VOPP1: variants seen among roughly 807,000 people sequenced by gnomAD.
VOPP1 encodes VOPP1 WW domain binding protein, also known as WW domain binding protein VOPP1.
VOPP1 carries 8 observed loss-of-function variants against 23.5 expected under a neutral mutation model. The ratio of observed to expected loss-of-function variants is 0.34; its 90% CI spans 0.20 to 0.61. The LOEUF (loss-of-function observed/expected upper bound fraction) is 0.61. Among genes scored for constraint, VOPP1 ranks in the 20% least tolerant of loss-of-function variants. The pLI, the probability that VOPP1 is intolerant of heterozygous loss-of-function variation, is 0.78. For missense variants in VOPP1, 174 were observed against 238.1 expected (o/e 0.73, Z 1.77); for synonymous variants, 83 against 97.3 (o/e 0.85, Z 0.86).
At chr7:55,507,540 T>C (rs1343583948) in intron 2 of VOPP1, among the ~76,000 whole-genome samples, 1 of 152,196 alleles carries the variant, frequency 6.6e-6, no homozygotes, top group African/African-American at 2.4e-5. Flanking sequence ...CATAATCTGA[T>C]TACTTGTAAT....
intron 1 of VOPP1, among the ~76,000 whole-genome samples, chr7:55,525,514 C>T (rs569645084): frequency 6.6e-6 from 1 of 151,234 alleles, no homozygotes; most frequent in Non-Finnish European, 1.5e-5. Flanking sequence ...AGAGTACAGA[C>T]TCTCTTCCCT....
At chr7:55,560,399 T>C (rs1038833879) in intron 1 of VOPP1, among the ~76,000 whole-genome samples, 1 of 152,118 alleles carries the variant, frequency 6.6e-6, no homozygotes, top group African/African-American at 2.4e-5. Context: ...GTGGGCCCAA[T>C]GTAATCTCAA....
At chr7:55,489,198 G>A (rs1793374717) in intron 4 of VOPP1, among the ~76,000 whole-genome samples, 3 of 152,242 alleles carry the variant, frequency 2.0e-5, no homozygotes, top group African/African-American at 7.2e-5. Flanking sequence ...ACAGGGAAAT[G>A]ATGGAAACTG....
At chr7:55,515,868 G>A (rs1795372959) in intron 2 of VOPP1, 9 of 676,694 alleles carry the variant, frequency 1.3e-5, no homozygotes, top group Non-Finnish European at 1.6e-5. Context: ...GCACTTTCTG[G>A]ACTGACAGGG....
intron 4 of VOPP1, among the ~76,000 whole-genome samples, chr7:55,455,062 T>C (rs186614879): frequency 9.8e-5 from 15 of 152,310 alleles, no homozygotes; most frequent in East Asian, 1.9e-4. Flanking sequence ...GAAAACCCCA[T>C]TGTCTCAGCC....
intron 2 of VOPP1, 133 bp from the exon 3 acceptor site, chr7:55,497,823 C>A: frequency 1.4e-6 from 1 of 726,076 alleles, no homozygotes; most frequent in African/African-American, 1.7e-5. Flanking sequence ...GACAGAACTG[C>A]CTCCACTGCA....
intron 1 of VOPP1, chr7:55,537,773 G>T: frequency 3.0e-6 from 4 of 1,319,126 alleles, no homozygotes; most frequent in Middle Eastern, 5.7e-4. Context: ...CCAGGCCCAG[G>T]CCACCAAGGA....
intron 2 of VOPP1, among the ~76,000 whole-genome samples, chr7:55,508,152 C>A (rs993140714): frequency 5.9e-5 from 9 of 152,150 alleles, no homozygotes; most frequent in African/African-American, 1.9e-4. Context: ...GCCATTTTAA[C>A]CCTTGAGGAG....
In VOPP1 at chr7:55,572,273, C is replaced by A; in HGVS notation, c.52G>T (p.Glu18Ter). 6.6e-7 allele frequency: 1 copy of A among 1,525,178 alleles called. No individual in the cohort carries two copies. Among genetic ancestry groups the A allele is most frequent in the Non-Finnish European group, 8.7e-7 (1 of 1,146,422 alleles). The allele number at this position is 1,525,178 out of a possible 1,614,324, so 94.5% of individuals were successfully genotyped here. A position where few individuals can be genotyped will look rare whatever the true frequency, so the allele number is the denominator to read the frequency against. ...AGCACCCGGTCCCCGGCCCCTACCT[C>A]CAAGAGCAGCCCGAGCAGCAGCGCC... Reference protein sequence around the residue: ...VAALLLGLLLECTEAKKHCWY... With the variant: ...VAALLLGLLL The change falls in exon 1 of 5, where the codon GAG (glutamate) becomes TAG (stop). Residue 18 changes from glutamate to a stop codon, truncating the protein, a stop_gained and splice_region_variant. Transcript: ENST00000285279. LOFTEE classifies it high-confidence loss of function.
chr7:55,473,555 C>T (rs867011873), intron 4 of VOPP1, among the ~76,000 whole-genome samples: 34 of 152,170 alleles, frequency 2.2e-4, no homozygotes, highest in African/African-American at 7.7e-4. Context: ...AGCTGATTGA[C>T]GCTCCATGGG....
chr7:55,552,797 T>A, intron 1 of VOPP1: 1 of 1,497,698 alleles, frequency 6.7e-7, no homozygotes, highest in Non-Finnish European at 8.9e-7. Flanking sequence ...CTAGGAAACC[T>A]CCCATGGGCT....
At chr7:55,537,186 C>T (rs1040896186) in intron 1 of VOPP1, among the ~76,000 whole-genome samples, 1 of 152,160 alleles carries the variant, frequency 6.6e-6, no homozygotes, top group Non-Finnish European at 1.5e-5. Context: ...CTGACCCTGC[C>T]CTGTCCCAAC....
intron 2 of VOPP1, among the ~76,000 whole-genome samples, chr7:55,510,208 T>A (rs1365952217): frequency 6.6e-6 from 1 of 152,244 alleles, no homozygotes; most frequent in Non-Finnish European, 1.5e-5. Flanking sequence ...TAAGTGTGCA[T>A]CATCTAAAGA....
chr7:55,570,149 T>A (rs887900034), intron 1 of VOPP1, among the ~76,000 whole-genome samples: 3 of 152,270 alleles, frequency 2.0e-5, no homozygotes, highest in Admixed American at 1.3e-4. Flanking sequence ...TGTATGTGAT[T>A]CAGGACTTCA....
chr7:55,492,352 G>A lies in VOPP1; in HGVS notation c.258C>T (p.Tyr86=), dbSNP rs1793636593. The A allele has an allele frequency of 1.2e-6, 2 of 1,609,146 alleles. No homozygotes were observed. Among genetic ancestry groups the A allele is most frequent in the East Asian group, 4.5e-5 (2 of 44,656 alleles). The change falls in exon 4 of 5, where the codon TAC becomes TAT. Residue 86 remains tyrosine, a synonymous_variant. Transcript: ENST00000285279. ...GAGFFIRRRM[Y]PPPLIEEPAF... ...CTGGCTCCTCGATCAGCGGCGGGGG[G>A]TACATGCGCCTCCGGATGAAGAAGC...
downstream of VOPP1, among the ~76,000 whole-genome samples, chr7:55,467,325 G>A (rs1226863655): frequency 6.6e-6 from 1 of 152,196 alleles, no homozygotes; most frequent in East Asian, 1.9e-4. Context: ...GGGGCAGGAG[G>A]GAGTCAGGCA....
At chr7:55,483,604 C>T (rs1482146391) in intron 4 of VOPP1, among the ~76,000 whole-genome samples, 1 of 151,938 alleles carries the variant, frequency 6.6e-6, no homozygotes, top group South Asian at 2.1e-4. Context: ...TCTCCAAAAG[C>T]TCTCCTATGT....
At chr7:55,476,749 G>A (rs1792288705) in intron 4 of VOPP1, among the ~76,000 whole-genome samples, 2 of 152,178 alleles carry the variant, frequency 1.3e-5, no homozygotes, top group African/African-American at 2.4e-5. Flanking sequence ...GCCATGGGCA[G>A]GAGCCTCAAC....
intron 4 of VOPP1, among the ~76,000 whole-genome samples, chr7:55,482,644 G>A (rs1234582369): frequency 6.6e-6 from 1 of 151,946 alleles, no homozygotes; most frequent in Non-Finnish European, 1.5e-5. Context: ...CGGCCAAGAG[G>A]AGGAAGGGAG....
Sources: allele counts gnomAD v4.1 joint callset (sites outside exome capture counted in the v4.1 genomes callset), GRCh38; gene constraint gnomAD v4.1.1; transcripts MANE v1.5; gene names NCBI Gene and HGNC (gene_info 2026-07-23, HGNC 2026-07-21).